The following ITPR3 variants were observed in gnomAD, a reference collection of about 807,000 sequenced individuals.
ITPR3 encodes the protein inositol 1,4,5-trisphosphate-gated calcium channel ITPR3.
In ITPR3, 173 loss-of-function variants were observed where a neutral mutation model predicts 293.2. The ratio of observed to expected loss-of-function variants is 0.59; its 90% CI spans 0.52 to 0.67. ITPR3 has a LOEUF of 0.67. ITPR3 is among the 30% of genes least tolerant of loss of function. ITPR3 has a pLI of 0.00. For synonymous variants in ITPR3, 1,295 were observed against 1,444.4 expected (o/e 0.90, Z 2.35); for missense variants, 2,796 against 3,592.1 (o/e 0.78, Z 5.66).
chr6:33,634,580 T>C (rs1763775307), intron 1 of ITPR3, among the ~76,000 whole-genome samples: 1 of 152,100 alleles, frequency 6.6e-6, no homozygotes, highest in Non-Finnish European at 1.5e-5. Flanking sequence ...CCCTCCGGAA[T>C]CCGTGCTCCC....
At chr6:33,652,284 TA>T (rs1243496381) in intron 2 of ITPR3, among the ~76,000 whole-genome samples, 1 of 152,162 alleles carries the variant, frequency 6.6e-6, no homozygotes, top group Admixed American at 6.5e-5. Context: ...CAGGAGGAAG[TA>T]ATTTCTGGGT....
At chr6:33,693,770 A>T in intron 56 of ITPR3, 65 bp downstream of exon 56, 1 of 1,562,104 alleles carries the variant, frequency 6.4e-7, no homozygotes, top group Non-Finnish European at 8.7e-7. Flanking sequence ...ATCACTGTGC[A>T]CCAGAGGCCT....
At position 33,658,634 on chromosome 6, in the gene ITPR3, G is replaced by A. The variant is rs1432587834; in HGVS notation, c.370-36G>A. On this transcript the variant is annotated intron_variant, in intron 4 of 57. Transcript: ENST00000605930. The surrounding 1 kb of genome is among the most constrained non-coding windows in gnomAD (Gnocchi z 6.1). ...CCTCCCTAATGGGCCGACTCCTGTG[G>A]CGCGGTGACCTTCCCGCACCCCACC... 5.0e-6 allele frequency: 8 copies of A among 1,609,332 alleles called. No individual in the cohort carries two copies. The highest frequency in any genetic ancestry group is 6.8e-6 in the Non-Finnish European group (8 of 1,176,716).
At position 33,686,157 on chromosome 6, in the gene ITPR3, G is replaced by C; in HGVS notation, c.5772G>C (p.Leu1924=). Residue 1924 remains leucine, a synonymous_variant, in exon 42 of 58, where the codon CTG becomes CTC. Transcript: ENST00000605930. ...MCGSTTGGLG[L]LGLYINEDNV... is the part of the protein sequence containing the mutation. ...GCAGCACCACGGGCGGCCTGGGGCTGCTGGGGCTCTACATCAATGAGGACA... is the reference window on the plus strand; with the variant it reads ...GCAGCACCACGGGCGGCCTGGGGCTCCTGGGGCTCTACATCAATGAGGACA... 6.2e-7 allele frequency: 1 copy of C among 1,614,186 alleles called. No individual in the cohort carries two copies. The highest frequency in any genetic ancestry group is 1.6e-4 in the Middle Eastern group (1 of 6,062).
chr6:33,677,487 A>C lies in ITPR3; in HGVS notation c.3523-17A>C, dbSNP rs1582149893. On this transcript the variant is annotated splice_polypyrimidine_tract_variant and intron_variant, in intron 27 of 57. Coordinates refer to ENST00000605930, the MANE Select transcript of ITPR3 (RefSeq NM_002224.4). ...AGAAGTAGGGAAGGGGCTCTGGCTC[A>C]CCCGCCTCCCCTGCAGATCCTGGAA... 6.2e-7 allele frequency: 1 copy of C among 1,613,034 alleles called. No homozygotes were observed. The highest frequency in any genetic ancestry group is 8.5e-7 in the Non-Finnish European group (1 of 1,179,480).
At chr6:33,680,890 T>G (rs1469093569) in intron 33 of ITPR3, among the ~76,000 whole-genome samples, 6 of 150,610 alleles carry the variant, frequency 4.0e-5, no homozygotes, top group African/African-American at 1.5e-4. Context: ...GCGCGATCTC[T>G]GCTTACTGCA....
chr6:33,684,351 G>GC lies in ITPR3; in HGVS notation c.4938-5dup. On this transcript the variant is annotated splice_region_variant and splice_polypyrimidine_tract_variant and intron_variant, in intron 36 of 57. Coordinates refer to ENST00000605930, the MANE Select transcript of ITPR3 (RefSeq NM_002224.4). This position sits in a 1 kb window ranked among gnomAD's most constrained non-coding sequence, Gnocchi z 4.2. ...CTGCCCTGAGCTGCCTCCTTGGCCG[G>GC]CTCAGGCTGATCCAGCACACCAAGG... The GC allele has an allele frequency of 6.2e-7, 1 of 1,613,394 alleles. No homozygotes were observed. The highest frequency in any genetic ancestry group is 8.5e-7 in the Non-Finnish European group (1 of 1,179,586).
intron 33 of ITPR3, 101 bp downstream of exon 33, chr6:33,680,781 G>T: frequency 7.7e-7 from 1 of 1,301,198 alleles, no homozygotes; most frequent in Non-Finnish European, 1.1e-6. Context: ...TTATAGTACA[G>T]AAAGAAGTAA....
In ITPR3 at chr6:33,684,591, C is replaced by T; in HGVS notation, c.5047-7C>T. 9.9e-6 allele frequency: 16 copies of T among 1,613,946 alleles called. No individual in the cohort carries two copies. The highest frequency in any genetic ancestry group is 1.4e-5 in the Non-Finnish European group (16 of 1,179,848). On this transcript the variant is annotated splice_polypyrimidine_tract_variant and splice_region_variant and intron_variant, in intron 37 of 57. Transcript: ENST00000605930. This position sits in a 1 kb window ranked among gnomAD's most constrained non-coding sequence, Gnocchi z 4.2. ...CACAATGGGGCCTCACTCCCATCCT[C>T]CCCCAGGGCAACCAGCTGCGCAAGA... is the stretch of plus-strand genomic sequence containing the variant.
chr6:33,629,325 C>A (rs141083142), intron 1 of ITPR3, among the ~76,000 whole-genome samples: 18 of 152,266 alleles, frequency 1.2e-4, no homozygotes, highest in Non-Finnish European at 2.2e-4. Context: ...AGGGCCCAAT[C>A]CATAGTCAGA....
intron 1 of ITPR3, among the ~76,000 whole-genome samples, chr6:33,636,112 C>T (rs71565399): frequency 0.086 from 10,478 of 121,464 alleles, 462 homozygotes; most frequent in Middle Eastern, 0.12. Flanking sequence ...CGTGGTGAAA[C>T]GCTGTCTCTA....
Position 33,675,862 on chromosome 6 carries a change from G to A in ITPR3, c.3282+6G>A, listed in dbSNP as rs139957420. 128 of 1,553,056 alleles carry A rather than the reference G, an allele frequency of 8.2e-5. No homozygotes were observed. The Middle Eastern group carries it at 8.5e-4, about 10-fold the overall frequency. On this transcript the variant is annotated splice_donor_region_variant and intron_variant, in intron 25 of 57. Coordinates refer to ENST00000605930, the MANE Select transcript of ITPR3 (RefSeq NM_002224.4). The surrounding 1 kb of genome is among the most constrained non-coding windows in gnomAD (Gnocchi z 5.0). ...CCATGCACACCTTCAAGCAGGTGACGGGACTACCTGGCCCTGGCCCTGAGC... is the reference window on the plus strand; with the variant it reads ...CCATGCACACCTTCAAGCAGGTGACAGGACTACCTGGCCCTGGCCCTGAGC...
chr6:33,693,636 T>C lies in ITPR3; in HGVS notation c.7716T>C (p.Ile2572=), dbSNP rs547392627. 1.2e-6 allele frequency: 2 copies of C among 1,614,232 alleles called. No homozygotes were observed. Among genetic ancestry groups the C allele is most frequent in the East Asian group, 2.2e-5 (1 of 44,892 alleles). ...EHNMWNYLYF[I]VLVRVKNKTD... is the part of the protein sequence containing the mutation. ...ACATGTGGAACTACTTGTACTTCAT[T>C]GTGCTGGTCCGCGTGAAGAACAAGA... is the stretch of plus-strand genomic sequence containing the variant. The change falls in exon 56 of 58, where the codon ATT becomes ATC. Residue 2572 remains isoleucine (I), a synonymous_variant. Coordinates refer to ENST00000605930, the MANE Select transcript of ITPR3 (RefSeq NM_002224.4).
At position 33,694,935 on chromosome 6, in the gene ITPR3, G is replaced by A; in HGVS notation, c.7797G>A (p.Leu2599=). ...YVAQMIKNKN[L]DWFPRMRAMS... is the part of the protein sequence containing the mutation. ...GTGATGTTTTTCAGAACAAGAACCT[G>A]GACTGGTTCCCCCGGATGCGGGCCA... Residue 2599 remains leucine (L), a synonymous_variant, in exon 57 of 58, where the codon CTG becomes CTA. Transcript: ENST00000605930. 6.2e-7 allele frequency: 1 copy of A among 1,614,152 alleles called. No individual in the cohort carries two copies. The highest frequency in any genetic ancestry group is 1.3e-5 in the African/African-American group (1 of 75,054).
chr6:33,642,735 C>A (rs1763978626), intron 2 of ITPR3, among the ~76,000 whole-genome samples: 1 of 152,166 alleles, frequency 6.6e-6, no homozygotes, highest in Non-Finnish European at 1.5e-5. Flanking sequence ...GAATGAGGCC[C>A]ACCCCAGGAT....
chr6:33,657,902 C>T (rs1216821465), intron 3 of ITPR3, 30 bp from the exon 4 acceptor site: 1 of 1,605,480 alleles, frequency 6.2e-7, no homozygotes, highest in East Asian at 2.2e-5. Flanking sequence ...CTTCTGAGCC[C>T]ACCCTTCACT....
At position 33,676,928 on chromosome 6, in the gene ITPR3, AAG is replaced by A; in HGVS notation, c.3446_3447del (p.Glu1149AlafsTer18). On this transcript the variant is annotated frameshift_variant and splice_region_variant, in exon 26 of 58. Coordinates refer to ENST00000605930, the MANE Select transcript of ITPR3 (RefSeq NM_002224.4). LOFTEE classifies it high-confidence loss of function. ...GAGGCAGGCGCCGCCAAGGACAAGA[AAG>A]AGGTAAGTGGGGCTCCAGGGGGCCA... 2.5e-6 allele frequency: 4 copies of A among 1,614,060 alleles called. No homozygotes were observed. Among genetic ancestry groups the A allele is most frequent in the East Asian group, 2.2e-5 (1 of 44,882 alleles).
chr6:33,660,418 C>G (rs1406255450), intron 7 of ITPR3, among the ~76,000 whole-genome samples: 1 of 152,102 alleles, frequency 6.6e-6, no homozygotes, highest in African/African-American at 2.4e-5. Flanking sequence ...TTAGACTCTC[C>G]TGCCCTGCTC....
chr6:33,690,889 C>A, intron 51 of ITPR3, 28 bp from the exon 52 acceptor site: 3 of 1,605,584 alleles, frequency 1.9e-6, no homozygotes, highest in South Asian at 1.1e-5. Flanking sequence ...CCTCAAGGTG[C>A]CATCCCTATC....
Sources: allele counts gnomAD v4.1 joint callset (sites outside exome capture counted in the v4.1 genomes callset), GRCh38; gene constraint gnomAD v4.1.1; non-coding constraint Gnocchi (gnomAD v3.1); transcripts MANE v1.5; gene names NCBI Gene and HGNC (gene_info 2026-07-23, HGNC 2026-07-21).